BTG1: variants seen among roughly 807,000 people sequenced by gnomAD.
BTG1 encodes the protein protein BTG1.
Under a neutral mutation model 15.2 loss-of-function variants are expected in BTG1, and 2 were observed. The ratio of observed to expected loss-of-function variants is 0.13; its 90% CI spans 0.05 to 0.41. The LOEUF (loss-of-function observed/expected upper bound fraction) is 0.41, where lower values mean the gene tolerates loss of function less well. Among genes scored for constraint, BTG1 ranks in the 10% least tolerant of loss-of-function variants. The pLI is 0.99. For synonymous variants in BTG1, 109 were observed against 82.4 expected (o/e 1.32, Z -1.75); for missense variants, 149 against 215.0 (o/e 0.69, Z 1.92).
Position 92,144,056 on chromosome 12 carries a change from G to A in BTG1, c.*24C>T. ...AAATCAAATTTATCCATCATCATCA[G>A]ATGATCCATCCACAGACTATATCTT... On this transcript the variant is annotated 3_prime_UTR_variant, in exon 2 of 2. Coordinates refer to ENST00000256015, the MANE Select transcript of BTG1 (RefSeq NM_001731.3). 3.1e-6 allele frequency: 5 copies of A among 1,604,406 alleles called. No individual in the cohort carries two copies. Among genetic ancestry groups the A allele is most frequent in the African/African-American group, 2.7e-5 (2 of 74,504 alleles).
intron 1 of BTG1, 29 bp downstream of exon 1, chr12:92,145,359 C>A: frequency 6.6e-7 from 1 of 1,520,324 alleles, no homozygotes. Context: ...GTGGGGCCCG[C>A]GTCCCTCCGA....
chr12:92,145,708 G>A lies in BTG1; in HGVS notation c.-173C>T. On this transcript the variant is annotated 5_prime_UTR_variant, in exon 1 of 2. Coordinates refer to ENST00000256015, the MANE Select transcript of BTG1 (RefSeq NM_001731.3). ...TCTTTAGACTAAAAAAGTTATTTTC[G>A]AGACAGGAGGCGGCAGGAGAGAGGA... is the stretch of plus-strand genomic sequence containing the variant. 2 of 377,928 alleles carry A rather than the reference G, an allele frequency of 5.3e-6. No individual in the cohort carries two copies. Among genetic ancestry groups the A allele is most frequent in the Non-Finnish European group, 8.9e-6 (2 of 224,334 alleles). 23.4% of individuals were successfully genotyped at this position (377,928 alleles called of 1,614,324 possible). A position where few individuals can be genotyped will look rare whatever the true frequency, so the allele number is the denominator to read the frequency against.
chr12:92,144,564 A>G, intron 1 of BTG1, 117 bp from the exon 2 acceptor site: 1 of 1,370,684 alleles, frequency 7.3e-7, no homozygotes, highest in Non-Finnish European at 1.0e-6. Flanking sequence ...ACTTTTTAAA[A>G]TGTCCAGGAT....
chr12:92,145,684 C>T lies in BTG1; in HGVS notation c.-149G>A, dbSNP rs3088003. The T allele has an allele frequency of 0.079, 36,793 of 466,482 alleles. 1,762 individuals are homozygous for T. The highest frequency in any genetic ancestry group is 0.098 in the Non-Finnish European group (28,565 of 290,660). The allele number at this position is 466,482 out of a possible 1,614,324, so 28.9% of individuals were successfully genotyped here. A position where few individuals can be genotyped will look rare whatever the true frequency, so the allele number is the denominator to read the frequency against. ...CGGACGACTACTTTTGTCTTTCTTT[C>T]TTTAGACTAAAAAAGTTATTTTCGA... On this transcript the variant is annotated 5_prime_UTR_variant, in exon 1 of 2. Transcript: ENST00000256015.
Position 92,145,654 on chromosome 12 carries a change from A to T in BTG1, c.-119T>A. 1.6e-6 allele frequency: 1 copy of T among 626,682 alleles called. No homozygotes were observed. The allele number at this position is 626,682 out of a possible 1,614,324, so 38.8% of individuals were successfully genotyped here. ...AAGGCTGAGAGGAAGAGAGGGCGTG[A>T]GGGGCGGACGACTACTTTTGTCTTT... On this transcript the variant is annotated 5_prime_UTR_variant, in exon 1 of 2. Transcript: ENST00000256015.
chr12:92,144,443 A>T lies in BTG1; in HGVS notation c.153T>A (p.His51Gln), dbSNP rs1409292218. 6.2e-7 allele frequency: 1 copy of T among 1,613,972 alleles called. No individual in the cohort carries two copies. Among genetic ancestry groups the T allele is most frequent in the South Asian group, 1.1e-5 (1 of 91,026 alleles). ...SQSLQELLAE[H>Q]YKHHWFPEKP... is the part of the protein sequence containing the mutation. ...TTTCTGGGAACCAGTGATGTTTATA[A>T]TGTTCTATAGAAGAAAAGAAGAACA... Residue 51 changes from histidine (H) to glutamine (Q), a missense_variant, in exon 2 of 2, where the codon CAT (histidine) becomes CAA (glutamine). Physicochemically the swap from His to Gln is conservative, Grantham distance 24. Coordinates refer to ENST00000256015, the MANE Select transcript of BTG1 (RefSeq NM_001731.3).
chr12:92,141,543 A>G lies in BTG1; in HGVS notation c.*2537T>C, dbSNP rs538599528. 6 of 231,514 alleles carry G rather than the reference A, an allele frequency of 2.6e-5. No homozygotes were observed. The highest frequency in any genetic ancestry group is 1.1e-4 in the African/African-American group (5 of 45,398). The allele number at this position is 231,514 out of a possible 1,614,324, so 14.3% of individuals were successfully genotyped here. Reference sequence around the variant, plus strand: ...ATGAATTCCTGGTGCCAAAGGCAACAATAATTTTGAAAGTAGTCATCCTAT... The same window carrying G: ...ATGAATTCCTGGTGCCAAAGGCAACGATAATTTTGAAAGTAGTCATCCTAT... On this transcript the variant is annotated 3_prime_UTR_variant, in exon 2 of 2. Coordinates refer to ENST00000256015, the MANE Select transcript of BTG1 (RefSeq NM_001731.3).
Position 92,141,563 on chromosome 12 carries a change from T to A in BTG1, c.*2517A>T, listed in dbSNP as rs893045909. 3 of 231,282 alleles carry A rather than the reference T, an allele frequency of 1.3e-5. No homozygotes were observed. Among genetic ancestry groups the A allele is most frequent in the African/African-American group, 6.6e-5 (3 of 45,216 alleles). 14.3% of individuals were successfully genotyped at this position (231,282 alleles called of 1,614,324 possible). A position where few individuals can be genotyped will look rare whatever the true frequency, so the allele number is the denominator to read the frequency against. On this transcript the variant is annotated 3_prime_UTR_variant, in exon 2 of 2. Transcript: ENST00000256015. ...GCAACAATAATTTTGAAAGTAGTCA[T>A]CCTATCTTAAAAGGATTTATAATAA...
rs78917531 is a variant in BTG1 at position 92,141,084 on chromosome 12, T to C, written c.*2996A>G. ...TTTGCTCCCAAGATTAAAGGGAGCC[T>C]GGAAACCTGTAGTCATTAAACACTA... On this transcript the variant is annotated 3_prime_UTR_variant, in exon 2 of 2. Transcript: ENST00000256015. The C allele has an allele frequency of 0.029, 6,757 of 232,794 alleles. 337 individuals are homozygous for C. Among genetic ancestry groups the C allele is most frequent in the South Asian group, 0.12 (688 of 5,522 alleles). The allele number at this position is 232,794 out of a possible 1,614,324, so 14.4% of individuals were successfully genotyped here.
intron 1 of BTG1, chr12:92,145,132 TAA>T (rs1870498347): frequency 5.2e-6 from 2 of 382,472 alleles, no homozygotes; most frequent in Middle Eastern, 7.6e-4. Context: ...TCGGTGGGCT[TAA>T]GTTTCTTTGT....
In BTG1 at chr12:92,141,246, G is replaced by A; in HGVS notation, c.*2834C>T. 4.3e-6 allele frequency: 1 copy of A among 232,576 alleles called. No homozygotes were observed. Among genetic ancestry groups the A allele is most frequent in the Non-Finnish European group, 8.5e-6 (1 of 117,652 alleles). 14.4% of individuals were successfully genotyped at this position (232,576 alleles called of 1,614,324 possible). A position where few individuals can be genotyped will look rare whatever the true frequency, so the allele number is the denominator to read the frequency against. On this transcript the variant is annotated 3_prime_UTR_variant, in exon 2 of 2. Transcript: ENST00000256015. ...AGGAAACTATTTGTGCAATGTACCT[G>A]AAAGCCACTTTCTGGTGGCCTTTCC...
Position 92,142,132 on chromosome 12 carries a change from A to T in BTG1, c.*1948T>A. On this transcript the variant is annotated 3_prime_UTR_variant, in exon 2 of 2. Transcript: ENST00000256015. ...CATGTGTTGCGGGTCTACGAATTCTAACTCTCGAGAATGGTGTGCCAATAA... is the reference window on the plus strand; with the variant it reads ...CATGTGTTGCGGGTCTACGAATTCTTACTCTCGAGAATGGTGTGCCAATAA... The T allele has an allele frequency of 4.3e-6, 1 of 232,212 alleles. No homozygotes were observed. Among genetic ancestry groups the T allele is most frequent in the African/African-American group, 2.2e-5 (1 of 45,430 alleles). The allele number at this position is 232,212 out of a possible 1,614,324, so 14.4% of individuals were successfully genotyped here. A position where few individuals can be genotyped will look rare whatever the true frequency, so the allele number is the denominator to read the frequency against.
intron 1 of BTG1, chr12:92,145,173 T>C (rs1419963859): frequency 3.3e-6 from 2 of 607,170 alleles, no homozygotes; most frequent in African/African-American, 1.9e-5. Context: ...CTCTCCGTTT[T>C]GCCAGCTGGG....
chr12:92,143,592 CAT>C lies in BTG1; in HGVS notation c.*486_*487del, dbSNP rs1190571275. 1.3e-5 allele frequency: 3 copies of C among 239,938 alleles called. No individual in the cohort carries two copies. Among genetic ancestry groups the C allele is most frequent in the Non-Finnish European group, 2.5e-5 (3 of 122,394 alleles). The allele number at this position is 239,938 out of a possible 1,614,324, so 14.9% of individuals were successfully genotyped here. A position where few individuals can be genotyped will look rare whatever the true frequency, so the allele number is the denominator to read the frequency against. On this transcript the variant is annotated 3_prime_UTR_variant, in exon 2 of 2. Transcript: ENST00000256015. Reference sequence around the variant, plus strand: ...TAGTTTGTCTTTATGTACATTTATACATATTTAAGTGCTAGGTAAAAGTCTTG... The same window carrying C: ...TAGTTTGTCTTTATGTACATTTATACATTTAAGTGCTAGGTAAAAGTCTTG...
intron 1 of BTG1, 191 bp downstream of exon 1, chr12:92,145,197 C>T: frequency 1.2e-6 from 1 of 824,026 alleles, no homozygotes. Context: ...AAGGGGGCGC[C>T]CTCCGTCCAG....
Position 92,142,582 on chromosome 12 carries a change from T to C in BTG1, c.*1498A>G, listed in dbSNP as rs1381567010. The C allele has an allele frequency of 4.3e-6, 1 of 232,738 alleles. No individual in the cohort carries two copies. Among genetic ancestry groups the C allele is most frequent in the Non-Finnish European group, 8.5e-6 (1 of 117,814 alleles). The allele number at this position is 232,738 out of a possible 1,614,324, so 14.4% of individuals were successfully genotyped here. ...TCGAGAAAGTCAGCATTTCAACTTT[T>C]GAGAATAAAAGTTCATAAACATACC... On this transcript the variant is annotated 3_prime_UTR_variant, in exon 2 of 2. Coordinates refer to ENST00000256015, the MANE Select transcript of BTG1 (RefSeq NM_001731.3).
rs937938653 is a variant in BTG1 at position 92,141,116 on chromosome 12, G to A, written c.*2964C>T. ...CTGTAGTCATTAAACACTAGCCATC[G>A]GGAATACGGCTTCCTTCCTTTTAAC... On this transcript the variant is annotated 3_prime_UTR_variant, in exon 2 of 2. Transcript: ENST00000256015. 1 of 232,716 alleles carries A rather than the reference G, an allele frequency of 4.3e-6. No individual in the cohort carries two copies. Among genetic ancestry groups the A allele is most frequent in the Non-Finnish European group, 8.5e-6 (1 of 117,748 alleles). The allele number at this position is 232,716 out of a possible 1,614,324, so 14.4% of individuals were successfully genotyped here. A position where few individuals can be genotyped will look rare whatever the true frequency, so the allele number is the denominator to read the frequency against.
At position 92,142,061 on chromosome 12, in the gene BTG1, C is replaced by T. The variant is rs2136945444; in HGVS notation, c.*2019G>A. On this transcript the variant is annotated 3_prime_UTR_variant, in exon 2 of 2. Coordinates refer to ENST00000256015, the MANE Select transcript of BTG1 (RefSeq NM_001731.3). ...TTTGAAATACCGAGGAGCTTTTTCACAGAATAGGTTTAAAAATAAAACCAT... is the reference window on the plus strand; with the variant it reads ...TTTGAAATACCGAGGAGCTTTTTCATAGAATAGGTTTAAAAATAAAACCAT... 1 of 231,786 alleles carries T rather than the reference C, an allele frequency of 4.3e-6. No individual in the cohort carries two copies. The highest frequency in any genetic ancestry group is 8.5e-6 in the Non-Finnish European group (1 of 117,158). The allele number at this position is 231,786 out of a possible 1,614,324, so 14.4% of individuals were successfully genotyped here.
rs1454865044 is a variant in BTG1 at position 92,142,185 on chromosome 12, C to T, written c.*1895G>A. 4.3e-6 allele frequency: 1 copy of T among 231,972 alleles called. No homozygotes were observed. Among genetic ancestry groups the T allele is most frequent in the South Asian group, 1.8e-4 (1 of 5,522 alleles). The allele number at this position is 231,972 out of a possible 1,614,324, so 14.4% of individuals were successfully genotyped here. On this transcript the variant is annotated 3_prime_UTR_variant, in exon 2 of 2. Transcript: ENST00000256015. The stretch of plus-strand genomic sequence containing the variant: ...TCCACAGACATTTGTACTCTAAATA[C>T]CTGCATATTCAGTGGCCTATTCCTG...
Sources: gnomAD v4.1 joint callset for allele counts on GRCh38, gnomAD v4.1.1 for gene constraint, MANE v1.5 for transcripts, NCBI Gene and HGNC (gene_info 2026-07-23, HGNC 2026-07-21) for gene names.